FOXP2: variants seen among roughly 807,000 people sequenced by gnomAD.
The protein encoded by FOXP2 is forkhead box P2.
In FOXP2, 12 loss-of-function variants were observed where a neutral mutation model predicts 115.8. The observed-to-expected ratio is 0.10, with a 90% CI of 0.07 to 0.17. The LOEUF is 0.17. Among genes scored for constraint, FOXP2 ranks in the 10% least tolerant of loss-of-function variants. The probability of loss-of-function intolerance (pLI) is 1.00; values close to 1 mark genes in which losing one functional copy is unlikely to be tolerated. For synonymous variants in FOXP2, 328 were observed against 297.7 expected (o/e 1.10, Z -1.05); for missense variants, 629 against 843.5 (o/e 0.75, Z 3.15).
chr7:114,378,326 C>T (rs893012617), intron 2 of FOXP2, among the ~76,000 whole-genome samples: 2 of 152,052 alleles, frequency 1.3e-5, no homozygotes, highest in Non-Finnish European at 2.9e-5. Context: ...AGCCTCATCT[C>T]TGCCCTGAAT....
chr7:114,464,126 A>C (rs1386844774), intron 2 of FOXP2, among the ~76,000 whole-genome samples: 2 of 152,204 alleles, frequency 1.3e-5, no homozygotes, highest in Non-Finnish European at 2.9e-5. Context: ...TTTGTAAATG[A>C]GGTTTGTGAA....
At chr7:114,666,244 AAAAAAT>A (rs1807154925) in intron 16 of FOXP2, 1 of 152,092 alleles carries the variant, frequency 6.6e-6, no homozygotes, top group South Asian at 2.1e-4. Flanking sequence ...TAGATTTCAG[AAAAAAT>A]AAAAATTAAA....
At chr7:114,333,397 A>G (rs970128968) in intron 2 of FOXP2, among the ~76,000 whole-genome samples, 1 of 152,166 alleles carries the variant, frequency 6.6e-6, no homozygotes, top group Non-Finnish European at 1.5e-5. Flanking sequence ...AGTGACTGTA[A>G]TTAAGTTCTC....
chr7:114,522,077 C>T (rs1798650300), intron 2 of FOXP2, among the ~76,000 whole-genome samples: 1 of 152,108 alleles, frequency 6.6e-6, no homozygotes, highest in African/African-American at 2.4e-5. Flanking sequence ...GAAACATTTC[C>T]AGCCCTTAGA....
At chr7:114,688,968 A>G (rs1808514405) in intron 16 of FOXP2, among the ~76,000 whole-genome samples, 1 of 152,100 alleles carries the variant, frequency 6.6e-6, no homozygotes, top group Non-Finnish European at 1.5e-5. Context: ...CTTCAGGGGT[A>G]AAAAGGATGA....
chr7:114,662,507 T>C (rs1009263772), intron 14 of FOXP2, among the ~76,000 whole-genome samples: 2 of 152,122 alleles, frequency 1.3e-5, no homozygotes, highest in South Asian at 2.1e-4. Context: ...TACAATACAG[T>C]AGCTTCCAGT....
chr7:114,463,870 A>G (rs1018806681), intron 2 of FOXP2, among the ~76,000 whole-genome samples: 2 of 152,238 alleles, frequency 1.3e-5, no homozygotes, highest in Non-Finnish European at 2.9e-5. Context: ...AAGAAAGAAC[A>G]AGGAAATGAT....
intron 3 of FOXP2, among the ~76,000 whole-genome samples, chr7:114,570,628 T>C (rs1179846305): frequency 5.3e-5 from 8 of 151,896 alleles, no homozygotes; most frequent in Admixed American, 2.6e-4. Context: ...GCCAAATTAT[T>C]TCTATTTTTA....
chr7:114,212,821 G>A (rs535795617), intron 1 of FOXP2, among the ~76,000 whole-genome samples: 8 of 152,116 alleles, frequency 5.3e-5, no homozygotes, highest in African/African-American at 1.2e-4. Flanking sequence ...GAATATTGCC[G>A]GGAGACTGGA....
chr7:114,287,211 C>T (rs1796487637), intron 1 of FOXP2, among the ~76,000 whole-genome samples: 1 of 151,476 alleles, frequency 6.6e-6, no homozygotes. Flanking sequence ...TCTTGGGCCA[C>T]ACATAAAATA....
chr7:114,436,339 C>G (rs10280045), intron 2 of FOXP2, among the ~76,000 whole-genome samples: 95,314 of 150,916 alleles, frequency 0.63, 31,560 homozygotes, highest in African/African-American at 0.84. Context: ...GTGATTATTT[C>G]ATGTGTATTC....
intron 8 of FOXP2, 197 bp downstream of exon 8, chr7:114,644,986 T>G (rs1345670452): frequency 2.0e-6 from 1 of 502,282 alleles, no homozygotes; most frequent in African/African-American, 1.9e-5. Context: ...TACAAATCAT[T>G]TAGTAAAGAT....
intron 1 of FOXP2, among the ~76,000 whole-genome samples, chr7:114,184,822 A>G (rs985503136): frequency 6.6e-6 from 1 of 152,222 alleles, no homozygotes; most frequent in Non-Finnish European, 1.5e-5. Context: ...ATACATTCAT[A>G]TAATTTCATA....
At chr7:114,464,714 C>T (rs1795730232) in intron 2 of FOXP2, among the ~76,000 whole-genome samples, 1 of 152,178 alleles carries the variant, frequency 6.6e-6, no homozygotes, top group South Asian at 2.1e-4. Context: ...GCATAAAAAG[C>T]AATTCAAGAA....
At chr7:114,122,694 C>T (rs1009003239) in intron 1 of FOXP2, among the ~76,000 whole-genome samples, 2 of 151,960 alleles carry the variant, frequency 1.3e-5, no homozygotes, top group African/African-American at 4.8e-5. Flanking sequence ...GAAATGTTTA[C>T]ACTGCATTTT....
chr7:114,220,534 T>A (rs754198074), intron 1 of FOXP2, among the ~76,000 whole-genome samples: 9 of 152,194 alleles, frequency 5.9e-5, no homozygotes, highest in Admixed American at 6.5e-5. Flanking sequence ...TCATTTCAGG[T>A]AATATCATTT....
intron 10 of FOXP2, among the ~76,000 whole-genome samples, chr7:114,655,189 T>C (rs893264642): frequency 3.4e-4 from 52 of 152,174 alleles, no homozygotes; most frequent in South Asian, 8.3e-4. Context: ...TAAGATTTTT[T>C]CCCTCATTGC....
chr7:114,513,737 A>G (rs1050527040), intron 2 of FOXP2, among the ~76,000 whole-genome samples: 1 of 152,116 alleles, frequency 6.6e-6, no homozygotes, highest in Non-Finnish European at 1.5e-5. Flanking sequence ...AGAGTAAACT[A>G]TTTGTTCTTA....
At chr7:114,328,406 T>C (rs1797614578) in intron 2 of FOXP2, among the ~76,000 whole-genome samples, 1 of 151,840 alleles carries the variant, frequency 6.6e-6, no homozygotes, top group Non-Finnish European at 1.5e-5. Flanking sequence ...CCGGCAAATT[T>C]TTTGTATTTT....
Sources: gnomAD v4.1 joint callset for allele counts (sites outside exome capture counted in the v4.1 genomes callset) on GRCh38, gnomAD v4.1.1 for gene constraint, MANE v1.5 for transcripts, NCBI Gene and HGNC (gene_info 2026-07-23, HGNC 2026-07-21) for gene names.